The following SEM1 variants were observed in gnomAD, a reference collection of about 807,000 sequenced individuals.
SEM1 encodes SEM1 26S proteasome subunit, also known as 26S proteasome complex subunit SEM1.
In SEM1, 3 loss-of-function variants were observed where a neutral mutation model predicts 12.7. That is an observed-to-expected ratio of 0.24 (90% CI 0.11 to 0.61). The LOEUF (loss-of-function observed/expected upper bound fraction) is 0.61, where lower values mean the gene tolerates loss of function less well. Among genes scored for constraint, SEM1 ranks in the 20% least tolerant of loss-of-function variants. SEM1 has a pLI of 0.88. For synonymous variants in SEM1, 30 were observed against 27.8 expected (o/e 1.08, Z -0.25); for missense variants, 59 against 81.3 (o/e 0.73, Z 1.06).
At chr7:96,616,788 C>T (rs1807735293) in intron 2 of SEM1, among the ~76,000 whole-genome samples, 1 of 152,064 alleles carries the variant, frequency 6.6e-6, no homozygotes, top group African/African-American at 2.4e-5. Context: ...TTCCCAGCAC[C>T]ATTTATTGAA....
At chr7:96,518,068 C>T (rs1804151606) in intron 2 of SEM1, among the ~76,000 whole-genome samples, 1 of 152,156 alleles carries the variant, frequency 6.6e-6, no homozygotes, top group Admixed American at 6.6e-5. Context: ...AGAGAACACG[C>T]AGTATAGGCC....
At chr7:96,675,247 G>A (rs1194066715) in intron 2 of SEM1, among the ~76,000 whole-genome samples, 1 of 152,174 alleles carries the variant, frequency 6.6e-6, no homozygotes, top group East Asian at 1.9e-4. Context: ...AAACTACAGA[G>A]AATCAAGAGG....
At chr7:96,514,386 A>AT (rs1454425444) in intron 2 of SEM1, among the ~76,000 whole-genome samples, 1 of 152,092 alleles carries the variant, frequency 6.6e-6, no homozygotes, top group Non-Finnish European at 1.5e-5. Context: ...CTGCAACTAC[A>AT]TTTTCAACAT....
chr7:96,536,420 C>G (rs763180422), intron 2 of SEM1, among the ~76,000 whole-genome samples: 1 of 151,656 alleles, frequency 6.6e-6, no homozygotes, highest in Non-Finnish European at 1.5e-5. Flanking sequence ...CTATAGATAT[C>G]AATGAAATCA....
intron 2 of SEM1, among the ~76,000 whole-genome samples, chr7:96,519,171 T>C (rs1010000143): frequency 1.3e-5 from 2 of 152,084 alleles, no homozygotes; most frequent in Admixed American, 6.6e-5. Context: ...GTGAAGAAAC[T>C]AGTGACTGGC....
chr7:96,665,891 A>G (rs1025535174), intron 2 of SEM1, among the ~76,000 whole-genome samples: 1 of 152,210 alleles, frequency 6.6e-6, no homozygotes, highest in African/African-American at 2.4e-5. Context: ...CCTGTGAGAT[A>G]CCAGCCCTGC....
chr7:96,629,174 G>A (rs891002739), intron 2 of SEM1, among the ~76,000 whole-genome samples: 2 of 151,928 alleles, frequency 1.3e-5, no homozygotes, highest in African/African-American at 4.8e-5. Flanking sequence ...TTTGATATGG[G>A]TATCTTTCTC....
At chr7:96,510,589 A>G (rs1319881293) in intron 2 of SEM1, among the ~76,000 whole-genome samples, 1 of 152,194 alleles carries the variant, frequency 6.6e-6, no homozygotes, top group African/African-American at 2.4e-5. Context: ...GCTTAAGCAA[A>G]GGAAACCAAA....
At chr7:96,580,704 AT>A (rs1292328389) in intron 2 of SEM1, among the ~76,000 whole-genome samples, 1 of 151,608 alleles carries the variant, frequency 6.6e-6, no homozygotes, top group African/African-American at 2.4e-5. Flanking sequence ...TTTGATTTGC[AT>A]TTCTCTGATG....
intron 2 of SEM1, among the ~76,000 whole-genome samples, chr7:96,548,726 C>G (rs1563055517): frequency 1.3e-5 from 2 of 152,134 alleles, no homozygotes; most frequent in South Asian, 2.1e-4. Flanking sequence ...AGCACAGGTA[C>G]TTTCCCCGTT....
chr7:96,628,822 T>G (rs768503600), intron 2 of SEM1, among the ~76,000 whole-genome samples: 3 of 152,222 alleles, frequency 2.0e-5, no homozygotes, highest in Non-Finnish European at 4.4e-5. Flanking sequence ...TGTAGTAGGA[T>G]AGGTGTGGTG....
At chr7:96,501,142 T>C (rs1244831932), upstream of SEM1, among the ~76,000 whole-genome samples, 5 of 152,120 alleles carry the variant, frequency 3.3e-5, no homozygotes, top group Non-Finnish European at 5.9e-5. Context: ...TGGCCAAGAT[T>C]CTCAGTTAGT....
At chr7:96,669,076 A>G (rs1789243843), downstream of SEM1, among the ~76,000 whole-genome samples, 2 of 152,156 alleles carry the variant, frequency 1.3e-5, no homozygotes, top group Non-Finnish European at 2.9e-5. Context: ...TCAGACTTCT[A>G]GGATTTCAGA....
At chr7:96,634,074 T>G (rs1205254487) in intron 2 of SEM1, among the ~76,000 whole-genome samples, 1 of 152,096 alleles carries the variant, frequency 6.6e-6, no homozygotes, top group Admixed American at 6.6e-5. Flanking sequence ...CTGTTCACAA[T>G]AGCAAGAAAA....
At chr7:96,526,183 A>G (rs117449842) in intron 2 of SEM1, among the ~76,000 whole-genome samples, 3,740 of 152,148 alleles carry the variant, frequency 0.025, 72 homozygotes, top group Non-Finnish European at 0.039. Flanking sequence ...TCACCATTAT[A>G]TATTTAGGTG....
intron 1 of SEM1, among the ~76,000 whole-genome samples, chr7:96,494,429 A>T (rs909422015): frequency 1.1e-4 from 17 of 149,558 alleles, no homozygotes; most frequent in African/African-American, 4.0e-4. Flanking sequence ...TGGTCCAGTT[A>T]ATAAAGAGAT....
intron 2 of SEM1, among the ~76,000 whole-genome samples, chr7:96,676,718 A>C (rs76725583): frequency 6.6e-6 from 1 of 152,098 alleles, no homozygotes; most frequent in Non-Finnish European, 1.5e-5. Context: ...TACATTTCCC[A>C]TATCTTTTTC....
At chr7:96,617,152 A>G (rs1224343464) in intron 2 of SEM1, among the ~76,000 whole-genome samples, 1 of 152,094 alleles carries the variant, frequency 6.6e-6, no homozygotes, top group African/African-American at 2.4e-5. Flanking sequence ...AGGTATTTTA[A>G]TGATGGTGAT....
intron 2 of SEM1, among the ~76,000 whole-genome samples, chr7:96,554,487 C>T (rs1805410454): frequency 7.2e-6 from 1 of 139,184 alleles, no homozygotes; most frequent in African/African-American, 2.6e-5. Context: ...TGTTTATATG[C>T]TGGATTACAT....
Sources: allele counts gnomAD v4.1 joint callset (sites outside exome capture counted in the v4.1 genomes callset), GRCh38; gene constraint gnomAD v4.1.1; transcripts MANE v1.5; gene names NCBI Gene and HGNC (gene_info 2026-07-23, HGNC 2026-07-21).